RAB4B: variants seen among roughly 807,000 people sequenced by gnomAD.
RAB4B encodes the protein RAB4B, member RAS oncogene family, also known as ras-related protein Rab-4B.
RAB4B carries 15 observed loss-of-function variants against 28.3 expected under a neutral mutation model. The observed-to-expected ratio is 0.53, with a 90% CI of 0.35 to 0.82. The LOEUF (loss-of-function observed/expected upper bound fraction) is 0.82. Among genes scored for constraint, RAB4B ranks in the 40% least tolerant of loss-of-function variants. The pLI is 0.01. For missense variants in RAB4B, 244 were observed against 288.5 expected (o/e 0.85, Z 1.12); for synonymous variants, 108 against 116.3 (o/e 0.93, Z 0.46).
chr19:40,794,232 G>A (rs956446295), intron 7 of RAB4B, among the ~76,000 whole-genome samples: 4 of 151,572 alleles, frequency 2.6e-5, no homozygotes, highest in African/African-American at 4.9e-5. Context: ...CCGCCACCAC[G>A]CCCAGCTAAT....
intron 7 of RAB4B, among the ~76,000 whole-genome samples, chr19:40,789,210 T>A (rs1174246996): frequency 1.3e-5 from 2 of 151,848 alleles, no homozygotes; most frequent in Non-Finnish European, 2.9e-5. Context: ...ATGTACTTTT[T>A]TTTTTTTCTG....
At chr19:40,784,774 C>A (rs934942928) in intron 5 of RAB4B, among the ~76,000 whole-genome samples, 4 of 152,006 alleles carry the variant, frequency 2.6e-5, no homozygotes, top group Non-Finnish European at 5.9e-5. Flanking sequence ...TTTCCTCCTA[C>A]CGCACCTTCC....
In RAB4B at chr19:40,783,901, C is replaced by G; in HGVS notation, c.276-20C>G. On this transcript the variant is annotated intron_variant, in intron 4 of 7. Transcript: ENST00000357052. ...GGTTCCTCTCCTGCACTGCCTCCCT[C>G]CCTTCTCCCTTCTCCACAGCCGGGA... is the stretch of plus-strand genomic sequence containing the variant. 1 of 1,593,988 alleles carries G rather than the reference C, an allele frequency of 6.3e-7. No individual in the cohort carries two copies. The highest frequency in any genetic ancestry group is 8.6e-7 in the Non-Finnish European group (1 of 1,165,756).
intron 7 of RAB4B, among the ~76,000 whole-genome samples, chr19:40,789,841 A>G (rs980997490): frequency 2.6e-5 from 4 of 152,226 alleles, no homozygotes; most frequent in Admixed American, 1.3e-4. Flanking sequence ...AGCCTCGCTG[A>G]GAAGATGACA....
intron 7 of RAB4B, among the ~76,000 whole-genome samples, chr19:40,789,853 T>C (rs2083140755): frequency 6.6e-6 from 1 of 152,076 alleles, no homozygotes; most frequent in Admixed American, 6.6e-5. Flanking sequence ...AAGATGACAT[T>C]TGAGTGAAGG....
At position 40,781,532 on chromosome 19, in the gene RAB4B, C is replaced by T. The variant is rs553127507; in HGVS notation, c.212+1033C>T. ...AGAAATAGGGAACTGAAGACACACA[C>T]GCCAAGGCAGGAGAACCGCTTGAGT... On this transcript the variant is annotated intron_variant, in intron 3 of 7. Transcript: ENST00000357052. Among the ~76,000 whole-genome samples, 256 of 151,864 alleles carry T rather than the reference C, an allele frequency of 1.7e-3. 3 individuals carry two copies. The highest frequency in any genetic ancestry group is 6.0e-3 in the African/African-American group (248 of 41,380).
intron 7 of RAB4B, among the ~76,000 whole-genome samples, chr19:40,792,919 T>TA (rs1363011282): frequency 6.6e-6 from 1 of 152,092 alleles, no homozygotes; most frequent in African/African-American, 2.4e-5. Flanking sequence ...TAGCTGGAAT[T>TA]ACAGGCATGC....
At position 40,780,397 on chromosome 19, in the gene RAB4B, C is replaced by G; in HGVS notation, c.110C>G (p.Ser37Cys). 2 of 1,610,062 alleles carry G rather than the reference C, an allele frequency of 1.2e-6. No individual in the cohort carries two copies. Among genetic ancestry groups the G allele is most frequent in the Non-Finnish European group, 8.5e-7 (1 of 1,178,042 alleles). The change falls in exon 3 of 8, where the codon TCC becomes TGC. Residue 37 changes from serine (S) to cysteine (C), a missense_variant. Coordinates refer to ENST00000357052, the MANE Select transcript of RAB4B (RefSeq NM_016154.5). ...QFIENKFKQDSNHTIGVEFGS... is the reference protein window; with the variant it reads ...QFIENKFKQDCNHTIGVEFGS... ...CTCCTACTCCCAGTCAAACAGGACT[C>G]CAACCACACAATCGGCGTGGAGTTT...
chr19:40,781,666 C>G (rs753091929), intron 3 of RAB4B, among the ~76,000 whole-genome samples: 2 of 151,962 alleles, frequency 1.3e-5, no homozygotes, highest in African/African-American at 2.4e-5. Context: ...ATGCGTAGGG[C>G]TCAACACACT....
chr19:40,786,407 G>T lies in RAB4B; in HGVS notation c.431-258G>T, dbSNP rs576505944. The T allele has an allele frequency of 1.5e-5, 7 of 456,254 alleles. No homozygotes were observed. In the East Asian group the frequency reaches 3.4e-4, roughly 22 times the overall value. The allele number at this position is 456,254 out of a possible 1,614,324, so 28.3% of individuals were successfully genotyped here. On this transcript the variant is annotated intron_variant, in intron 5 of 7. Transcript: ENST00000357052. ...CCACAAGAAGCTGTGGGAGCCCTAA[G>T]TCGGTACCTGACTCAGCCCAGGAAG...
At chr19:40,791,172 TACAG>T (rs1334391191) in intron 7 of RAB4B, among the ~76,000 whole-genome samples, 1 of 152,042 alleles carries the variant, frequency 6.6e-6, no homozygotes, top group Non-Finnish European at 1.5e-5. Context: ...GTATTTTTAA[TACAG>T]ACAGGGTTTT....
chr19:40,783,938 C>T lies in RAB4B; in HGVS notation c.293C>T (p.Ser98Leu). The T allele has an allele frequency of 1.2e-6, 2 of 1,611,912 alleles. No individual in the cohort carries two copies. The highest frequency in any genetic ancestry group is 1.7e-6 in the Non-Finnish European group (2 of 1,178,424). The change falls in exon 5 of 8, where the codon TCA becomes TTA. Residue 98 changes from serine to leucine, a missense_variant. Coordinates refer to ENST00000357052, the MANE Select transcript of RAB4B (RefSeq NM_016154.5). ...YDITSRETYN[S>L]LAAWLTDART... ...CTCCACAGCCGGGAGACATACAACT[C>T]ACTGGCTGCCTGGCTGACGGATGCC...
chr19:40,784,555 A>AT (rs1302553083), intron 5 of RAB4B, among the ~76,000 whole-genome samples: 1 of 152,120 alleles, frequency 6.6e-6, no homozygotes, highest in Non-Finnish European at 1.5e-5. Flanking sequence ...GAGCTATGTG[A>AT]TTACACTGGT....
chr19:40,784,263 G>A (rs2083077816), intron 5 of RAB4B, among the ~76,000 whole-genome samples, 188 bp downstream of exon 5: 1 of 152,114 alleles, frequency 6.6e-6, no homozygotes, highest in African/African-American at 2.4e-5. Flanking sequence ...AGGCCAAGGT[G>A]GGAGGACTGC....
chr19:40,792,685 C>T (rs1346607081), intron 7 of RAB4B: 2 of 152,194 alleles, frequency 1.3e-5, no homozygotes, highest in Non-Finnish European at 2.9e-5. Flanking sequence ...CATACATTTA[C>T]GTGACTTTTC....
At position 40,778,820 on chromosome 19, in the gene RAB4B, G is replaced by A. The variant is rs183185767; in HGVS notation, c.16+429G>A. Among the ~76,000 whole-genome samples the A allele has an allele frequency of 7.9e-4, 121 of 152,220 alleles. 2 individuals are homozygous for A. The Middle Eastern group carries it at 0.024, about 30-fold the overall frequency. On this transcript the variant is annotated intron_variant, in intron 1 of 7. Transcript: ENST00000357052. ...GAGCTCTGGAATGGGTTTGGGGATGGGCTGTCCTTGAGTTAGGGGCAGGAC... is the reference window on the plus strand; with the variant it reads ...GAGCTCTGGAATGGGTTTGGGGATGAGCTGTCCTTGAGTTAGGGGCAGGAC...
At chr19:40,781,809 CAGG>C (rs2083051191) in intron 3 of RAB4B, among the ~76,000 whole-genome samples, 1 of 152,020 alleles carries the variant, frequency 6.6e-6, no homozygotes, top group African/African-American at 2.4e-5. Flanking sequence ...ATCACGAGGT[CAGG>C]AGATCGAGAC....
chr19:40,783,068 G>A (rs2083064320), intron 3 of RAB4B, among the ~76,000 whole-genome samples: 1 of 148,388 alleles, frequency 6.7e-6, no homozygotes, highest in East Asian at 2.0e-4. Context: ...AACCCGGGAG[G>A]TGGAGGTTGC....
At chr19:40,780,819 CAAAG>C (rs2083039443) in intron 3 of RAB4B, among the ~76,000 whole-genome samples, 1 of 150,192 alleles carries the variant, frequency 6.7e-6, no homozygotes, top group African/African-American at 2.5e-5. Flanking sequence ...GACCCCATCT[CAAAG>C]AAAGAAAAAG....
Sources: gnomAD v4.1 joint callset for allele counts (sites outside exome capture counted in the v4.1 genomes callset) on GRCh38, gnomAD v4.1.1 for gene constraint, MANE v1.5 for transcripts, NCBI Gene and HGNC (gene_info 2026-07-23, HGNC 2026-07-21) for gene names.